SNX29: variants seen among roughly 807,000 people sequenced by gnomAD.
SNX29 encodes sorting nexin 29, also known as sorting nexin-29.
A neutral mutation model predicts 102.1 loss-of-function variants in SNX29; 78 were observed. The ratio of observed to expected loss-of-function variants is 0.76; its 90% CI spans 0.64 to 0.92. SNX29 has a LOEUF of 0.92. Ranked by LOEUF, SNX29 falls within the 40% of genes least tolerant of loss-of-function variation. The pLI is 0.00. For synonymous variants in SNX29, 580 were observed against 414.5 expected (o/e 1.40, Z -4.85); for missense variants, 1,280 against 1,061.7 (o/e 1.21, Z -2.86).
chr16:12,320,774 C>G (rs1412358171), intron 15 of SNX29, among the ~76,000 whole-genome samples: 1 of 152,196 alleles, frequency 6.6e-6, no homozygotes, highest in African/African-American at 2.4e-5. Context: ...ACTGACTCTT[C>G]CTTCCAAACT....
chr16:12,143,289 G>A (rs745470361), intron 13 of SNX29, among the ~76,000 whole-genome samples: 51 of 152,190 alleles, frequency 3.4e-4, no homozygotes, highest in African/African-American at 9.4e-4. Flanking sequence ...GAGCCACTGC[G>A]CCTGGCCGGC....
chr16:12,503,617 CT>C (rs1204080222), intron 19 of SNX29, among the ~76,000 whole-genome samples: 1 of 152,198 alleles, frequency 6.6e-6, no homozygotes, highest in Admixed American at 6.5e-5. Flanking sequence ...AATGGTGCAG[CT>C]TAAAGCTGGC....
intron 4 of SNX29, among the ~76,000 whole-genome samples, chr16:12,038,535 A>G (rs1366276343): frequency 6.6e-6 from 1 of 152,162 alleles, no homozygotes; most frequent in Admixed American, 6.5e-5. Context: ...TATATCCCTA[A>G]ATTAAATTAC....
intron 16 of SNX29, among the ~76,000 whole-genome samples, chr16:12,378,471 GA>G (rs1357560876): frequency 6.6e-6 from 1 of 152,172 alleles, no homozygotes; most frequent in Admixed American, 6.5e-5. Context: ...CCAATATGGT[GA>G]ACCTTGTTTC....
chr16:12,077,716 G>T (rs1183180458), intron 10 of SNX29, among the ~76,000 whole-genome samples: 2 of 152,072 alleles, frequency 1.3e-5, no homozygotes, highest in Non-Finnish European at 2.9e-5. Context: ...TGTTTCCTGG[G>T]TTGAAGTGAT....
chr16:12,088,189 G>C (rs994459622), intron 11 of SNX29: 1 of 449,978 alleles, frequency 2.2e-6, no homozygotes, highest in Non-Finnish European at 4.5e-6. Context: ...CAGAAAGCTA[G>C]AGAGAGACAG....
chr16:12,464,942 C>T (rs2086984455), intron 18 of SNX29, among the ~76,000 whole-genome samples: 1 of 152,202 alleles, frequency 6.6e-6, no homozygotes, highest in African/African-American at 2.4e-5. Context: ...AAGGGCCATC[C>T]TAACAGGTGT....
intron 16 of SNX29, among the ~76,000 whole-genome samples, chr16:12,390,414 C>G (rs1490515171): frequency 6.6e-6 from 1 of 152,140 alleles, no homozygotes; most frequent in East Asian, 1.9e-4. Flanking sequence ...CTTTTCACAG[C>G]CTTAACTGTC....
At chr16:12,512,482 C>T (rs1189725725) in intron 19 of SNX29, among the ~76,000 whole-genome samples, 1 of 144,830 alleles carries the variant, frequency 6.9e-6, no homozygotes, top group Non-Finnish European at 1.5e-5. Flanking sequence ...GGTGCGATCT[C>T]AGCTCACTGC....
intron 4 of SNX29, among the ~76,000 whole-genome samples, chr16:12,034,011 A>G (rs2057409946): frequency 6.6e-6 from 1 of 152,082 alleles, no homozygotes; most frequent in Non-Finnish European, 1.5e-5. Context: ...TCATTTTCCC[A>G]GGAAGCCAAA....
intron 14 of SNX29, among the ~76,000 whole-genome samples, chr16:12,205,581 C>CT (rs2077025055): frequency 6.6e-6 from 1 of 151,976 alleles, no homozygotes; most frequent in Non-Finnish European, 1.5e-5. Flanking sequence ...TTTGCACGTG[C>CT]TGCCCCTATG....
chr16:12,503,080 G>C (rs1338442443), intron 19 of SNX29, among the ~76,000 whole-genome samples: 1 of 152,114 alleles, frequency 6.6e-6, no homozygotes, highest in Non-Finnish European at 1.5e-5. Context: ...CTTCATTACA[G>C]CCACAGGGAG....
At chr16:11,998,027 T>A (rs553668852) in intron 1 of SNX29, among the ~76,000 whole-genome samples, 1 of 152,288 alleles carries the variant, frequency 6.6e-6, no homozygotes, top group South Asian at 2.1e-4. Context: ...GTTCCTGGCA[T>A]GTAGGATGCG....
intron 19 of SNX29, among the ~76,000 whole-genome samples, chr16:12,479,562 C>T (rs754672394): frequency 6.6e-6 from 1 of 152,156 alleles, no homozygotes; most frequent in African/African-American, 2.4e-5. Flanking sequence ...AGAGCTGAAC[C>T]ACTACACGTG....
rs115056195 is a variant in SNX29 at position 12,552,843 on chromosome 16, G to A, written c.2319-15663G>A. Among the ~76,000 whole-genome samples the A allele has an allele frequency of 2.9e-3, 441 of 152,360 alleles. 1 individual carries two copies. Among genetic ancestry groups the A allele is most frequent in the African/African-American group, 0.01 (431 of 41,598 alleles). ...AGTGTGACACCTGACCTGCCAGAGA[G>A]GAGAGGGTGTGGCAGATGGCAGGGC... On this transcript the variant is annotated intron_variant, in intron 20 of 20. Coordinates refer to ENST00000566228, the MANE Select transcript of SNX29 (RefSeq NM_032167.5).
intron 14 of SNX29, among the ~76,000 whole-genome samples, chr16:12,265,253 A>G (rs1022155525): frequency 5.3e-5 from 8 of 152,150 alleles, no homozygotes; most frequent in African/African-American, 1.9e-4. Context: ...TTCACTGTCA[A>G]ACTGCTTTTC....
At chr16:12,427,756 T>C (rs1294590949) in intron 18 of SNX29, among the ~76,000 whole-genome samples, 2 of 152,174 alleles carry the variant, frequency 1.3e-5, no homozygotes, top group East Asian at 3.9e-4. Flanking sequence ...AACATCAGGA[T>C]TCTCTATGTT....
intron 20 of SNX29, among the ~76,000 whole-genome samples, chr16:12,562,629 A>G (rs777579317): frequency 4.5e-4 from 68 of 152,198 alleles, no homozygotes; most frequent in Non-Finnish European, 8.1e-4. Flanking sequence ...ACAGGCTATC[A>G]GGGTCTTCCC....
At chr16:12,418,491 T>C (rs2084735154) in intron 18 of SNX29, among the ~76,000 whole-genome samples, 1 of 151,638 alleles carries the variant, frequency 6.6e-6, no homozygotes, top group African/African-American at 2.4e-5. Context: ...TGCACCAGTT[T>C]CTGTCCTTCT....
Sources: allele counts gnomAD v4.1 joint callset (sites outside exome capture counted in the v4.1 genomes callset), GRCh38; gene constraint gnomAD v4.1.1; transcripts MANE v1.5; gene names NCBI Gene and HGNC (gene_info 2026-07-23, HGNC 2026-07-21).